ABCC3: variants seen among roughly 807,000 people sequenced by gnomAD.
ABCC3 encodes ATP-binding cassette sub-family C member 3.
ABCC3 carries 121 observed loss-of-function variants against 165.3 expected under a neutral mutation model. The ratio of observed to expected loss-of-function variants is 0.73; its 90% CI spans 0.63 to 0.85. The LOEUF (loss-of-function observed/expected upper bound fraction) is 0.85. Among genes scored for constraint, ABCC3 ranks in the 40% least tolerant of loss-of-function variants. The pLI is 0.00. For synonymous variants in ABCC3, 733 were observed against 810.1 expected (o/e 0.90, Z 1.62); for missense variants, 1,869 against 1,964.1 (o/e 0.95, Z 0.92).
At chr17:50,640,061 G>T (rs1428810649) in intron 1 of ABCC3, among the ~76,000 whole-genome samples, 1 of 152,176 alleles carries the variant, frequency 6.6e-6, no homozygotes, top group Non-Finnish European at 1.5e-5. Context: ...ACCGCATTCA[G>T]CCAGATTTCT....
rs777173720 is a variant in ABCC3 at position 50,684,109 on chromosome 17, T to C, written c.4113+2T>C. 6.2e-7 allele frequency: 1 copy of C among 1,612,376 alleles called. No homozygotes were observed. On this transcript the variant is annotated splice_donor_variant, in intron 28 of 30. Transcript: ENST00000285238. LOFTEE classifies it high-confidence loss of function. ...TCTCAGCTGACCATCATCCCGCAGG[T>C]AGGAGCCTGGCATGGGCTGGCCACA...
intron 1 of ABCC3, among the ~76,000 whole-genome samples, chr17:50,641,861 C>T (rs1020615228): frequency 6.6e-6 from 1 of 152,014 alleles, no homozygotes; most frequent in East Asian, 1.9e-4. Flanking sequence ...GTCTGGGCCA[C>T]ATAGTGGGAC....
intron 1 of ABCC3, chr17:50,635,296 T>G: frequency 1.6e-6 from 1 of 626,562 alleles, no homozygotes. Context: ...GTCGGCTCCA[T>G]CCCAGCCCCT....
At chr17:50,666,869 A>G (rs1255464554) in intron 11 of ABCC3, among the ~76,000 whole-genome samples, 1 of 152,212 alleles carries the variant, frequency 6.6e-6, no homozygotes, top group East Asian at 1.9e-4. Context: ...GATTAGAGAA[A>G]CATATATGTA....
chr17:50,667,319 C>G (rs979415632), intron 11 of ABCC3, among the ~76,000 whole-genome samples: 1 of 151,988 alleles, frequency 6.6e-6, no homozygotes, highest in African/African-American at 2.4e-5. Context: ...CTGGGGAGGC[C>G]GGTGCAGTGG....
At chr17:50,678,027 C>A in intron 24 of ABCC3, 66 bp from the exon 25 acceptor site, 1 of 1,613,916 alleles carries the variant, frequency 6.2e-7, no homozygotes, top group South Asian at 1.1e-5. Context: ...TCCCTCCTTT[C>A]CCCTAAGCAG....
rs371289420 is a variant in ABCC3 at position 50,660,959 on chromosome 17, C to A, written c.843C>A (p.Ser281=). Residue 281 remains serine, a synonymous_variant, in exon 8 of 31, where the codon TCC becomes TCA. Transcript: ENST00000285238. ...CAGCAGCACCTGGGAAAAATGCCTC[C>A]GGCGAGGACGAGGTGCTGCTGGGTG... The part of the protein sequence containing the change: ...KASAAPGKNA[S]GEDEVLLGAR... 1 of 1,611,766 alleles carries A rather than the reference C, an allele frequency of 6.2e-7. No homozygotes were observed. Among genetic ancestry groups the A allele is most frequent in the Non-Finnish European group, 8.5e-7 (1 of 1,179,014 alleles).
chr17:50,657,265 C>T (rs564114617), intron 4 of ABCC3, 82 bp downstream of exon 4: 16 of 1,524,982 alleles, frequency 1.0e-5, no homozygotes, highest in Non-Finnish European at 1.4e-5. Flanking sequence ...CTGCTGGGTC[C>T]CAGGTCCCTC....
intron 15 of ABCC3, 21 bp downstream of exon 15, chr17:50,668,940 C>CT: frequency 6.2e-7 from 1 of 1,613,350 alleles, no homozygotes. Context: ...CTCCCACTCC[C>CT]TTCCCAGCTG....
intron 7 of ABCC3, among the ~76,000 whole-genome samples, chr17:50,660,358 C>T (rs1451841684): frequency 6.6e-6 from 1 of 152,230 alleles, no homozygotes; most frequent in South Asian, 2.1e-4. Flanking sequence ...CAGGATTGAA[C>T]CCTCCCTCCT....
intron 11 of ABCC3, among the ~76,000 whole-genome samples, chr17:50,665,712 C>T (rs988887688): frequency 3.3e-5 from 5 of 151,212 alleles, no homozygotes; most frequent in Non-Finnish European, 7.4e-5. Flanking sequence ...TTCAAGCGAT[C>T]TTCCTGCCTC....
chr17:50,669,464 C>A lies in ABCC3; in HGVS notation c.2177C>A (p.Ala726Asp). ...NPKRYQQTLE[A>D]CALLADLEML... The stretch of plus-strand genomic sequence containing the variant: ...AAGCGCTACCAGCAGACTCTGGAGG[C>A]CTGTGCCTTGCTAGCTGACCTGGAG... Residue 726 changes from alanine (A) to aspartate (D), a missense_variant, in exon 17 of 31, where the codon GCC (alanine) becomes GAC (aspartate). Transcript: ENST00000285238. The A allele has an allele frequency of 6.2e-7, 1 of 1,614,228 alleles. No individual in the cohort carries two copies. The highest frequency in any genetic ancestry group is 1.1e-5 in the South Asian group (1 of 91,082).
rs1172012006 is a variant in ABCC3, at chr17:50,667,975, A to G, written c.1748A>G (p.Asn583Ser). 1.2e-6 allele frequency: 2 copies of G among 1,614,086 alleles called. No individual in the cohort carries two copies. Among genetic ancestry groups the G allele is most frequent in the African/African-American group, 1.3e-5 (1 of 75,024 alleles). ...SLFNILRLPL[N>S]MLPQLISNLT... ...TTTAATATCTTAAGACTTCCCCTCA[A>G]CATGCTGCCCCAGTTAATCAGCAAC... Residue 583 changes from asparagine to serine, a missense_variant, in exon 13 of 31, where the codon AAC becomes AGC. Transcript: ENST00000285238.
chr17:50,680,558 T>C (rs1967910116), intron 26 of ABCC3, among the ~76,000 whole-genome samples: 1 of 152,132 alleles, frequency 6.6e-6, no homozygotes, highest in African/African-American at 2.4e-5. Context: ...CAGTCTGCCT[T>C]CACTGGGACT....
chr17:50,640,234 G>A (rs1187662587), intron 1 of ABCC3, among the ~76,000 whole-genome samples: 1 of 152,234 alleles, frequency 6.6e-6, no homozygotes, highest in Non-Finnish European at 1.5e-5. Context: ...GGGTGCAAGT[G>A]CTCTATCCCC....
intron 2 of ABCC3, 81 bp from the exon 3 acceptor site, chr17:50,656,621 C>T (rs1967254438): frequency 3.1e-5 from 48 of 1,526,052 alleles, no homozygotes; most frequent in Non-Finnish European, 4.1e-5. Flanking sequence ...ATTCTGGTGG[C>T]TTCAGGTACA....
chr17:50,674,281 G>C (rs1251131670), intron 19 of ABCC3: 1 of 151,508 alleles, frequency 6.6e-6, no homozygotes, highest in Non-Finnish European at 1.5e-5. Flanking sequence ...TGGCCAGGAT[G>C]GTCTCGATCT....
chr17:50,681,102 A>G (rs1212563623), intron 26 of ABCC3, among the ~76,000 whole-genome samples: 2 of 151,960 alleles, frequency 1.3e-5, no homozygotes, highest in Non-Finnish European at 2.9e-5. Flanking sequence ...GCAGGAGAAA[A>G]ATCACTGAGT....
At chr17:50,659,113 A>G (rs1967321105) in intron 6 of ABCC3, 124 bp from the exon 7 acceptor site, 4 of 1,167,750 alleles carry the variant, frequency 3.4e-6, no homozygotes, top group Non-Finnish European at 3.6e-6. Context: ...TTTCATGGTC[A>G]CAGTGCCCGA....
Sources: gnomAD v4.1 joint callset for allele counts (sites outside exome capture counted in the v4.1 genomes callset) on GRCh38, gnomAD v4.1.1 for gene constraint, MANE v1.5 for transcripts, NCBI Gene and HGNC (gene_info 2026-07-23, HGNC 2026-07-21) for gene names.